ARHGEF6: variants seen among roughly 807,000 people sequenced by gnomAD.
ARHGEF6 encodes rho guanine nucleotide exchange factor 6.
ARHGEF6 carries 9 observed loss-of-function variants against 70.3 expected under a neutral mutation model. The ratio of observed to expected loss-of-function variants is 0.13; its 90% CI spans 0.08 to 0.22. The LOEUF (loss-of-function observed/expected upper bound fraction) is 0.22, where lower values mean the gene tolerates loss of function less well. ARHGEF6 is among the 10% of genes least tolerant of loss of function. The probability of loss-of-function intolerance (pLI) is 1.00; values close to 1 mark genes in which losing one functional copy is unlikely to be tolerated. For missense variants in ARHGEF6, 470 were observed against 563.0 expected (o/e 0.83, Z 1.67); for synonymous variants, 201 against 207.8 (o/e 0.97, Z 0.28).
intron 20 of ARHGEF6, among the ~76,000 whole-genome samples, 162 bp downstream of exon 20, chrX:136,671,858 A>AT (rs1483303234): frequency 8.9e-6 from 1 of 111,926 alleles, no homozygotes; most frequent in Non-Finnish European, 1.9e-5. Flanking sequence ...GTTAGTGGGC[A>AT]GCCCTCTAAA....
intron 2 of ARHGEF6, among the ~76,000 whole-genome samples, chrX:136,757,043 C>G (rs917956020): frequency 8.9e-6 from 1 of 112,519 alleles, no homozygotes; most frequent in Non-Finnish European, 1.9e-5. Flanking sequence ...AACCCAAGAT[C>G]AAGTCCACCC....
At chrX:136,749,748 T>C (rs1012079305) in intron 2 of ARHGEF6, among the ~76,000 whole-genome samples, 12 of 111,776 alleles carry the variant, frequency 1.1e-4, no homozygotes, top group Non-Finnish European at 3.8e-5. Context: ...CCATGGACAC[T>C]GTTCTTGCTG....
chrX:136,720,683 G>A lies in ARHGEF6; in HGVS notation c.733-7313C>T, dbSNP rs143215209. Among the ~76,000 whole-genome samples the A allele has an allele frequency of 6.3e-5, 7 of 110,853 alleles. No homozygotes were observed. In the Admixed American group the frequency reaches 6.7e-4, roughly 11 times the overall value. On this transcript the variant is annotated intron_variant, in intron 6 of 21. Coordinates refer to ENST00000250617, the MANE Select transcript of ARHGEF6 (RefSeq NM_004840.3). ...CTAATGCAATAAGAAAAAAATAAAAGGTATACACATTGGGAAGGAAGAAAT... is the reference window on the plus strand; with the variant it reads ...CTAATGCAATAAGAAAAAAATAAAAAGTATACACATTGGGAAGGAAGAAAT...
Position 136,743,654 on chromosome X carries a change from A to G in ARHGEF6, c.592T>C (p.Trp198Arg). The change falls in exon 5 of 22, where the codon TGG becomes CGG. Residue 198 changes from tryptophan to arginine, a missense_variant. Trp to Arg is a moderately radical substitution (Grantham distance 101). Transcript: ENST00000250617. ...YVTRVEEGGWWEGTLNGRTGW... is the reference protein window; with the variant it reads ...YVTRVEEGGWREGTLNGRTGW... ...GTTCTCCCATTTAATGTGCCTTCCC[A>G]CCAGCCTCCTTCTTCAACTCGTGTG... 8.3e-7 allele frequency: 1 copy of G among 1,211,929 alleles called. No homozygotes were observed. The highest frequency in any genetic ancestry group is 1.1e-6 in the Non-Finnish European group (1 of 895,500).
intron 6 of ARHGEF6, among the ~76,000 whole-genome samples, chrX:136,726,673 A>C (rs1040934013): frequency 8.9e-6 from 1 of 112,746 alleles, no homozygotes; most frequent in Non-Finnish European, 1.9e-5. Context: ...GGCAGGTTCT[A>C]TAAAACATGC....
At chrX:136,765,123 A>G (rs1291156338) in intron 2 of ARHGEF6, among the ~76,000 whole-genome samples, 1 of 111,931 alleles carries the variant, frequency 8.9e-6, no homozygotes, top group Non-Finnish European at 1.9e-5. Context: ...CCACCAGGGT[A>G]TAATGAGTAC....
intron 11 of ARHGEF6, among the ~76,000 whole-genome samples, chrX:136,687,172 A>G (rs1472086788): frequency 8.9e-6 from 1 of 112,001 alleles, no homozygotes; most frequent in Admixed American, 9.5e-5. Context: ...GGCATATAAC[A>G]ATGGCAATTT....
At chrX:136,755,255 T>C (rs2077194241) in intron 2 of ARHGEF6, among the ~76,000 whole-genome samples, 1 of 112,451 alleles carries the variant, frequency 8.9e-6, no homozygotes, top group African/African-American at 3.2e-5. Context: ...ACATCCTTTA[T>C]GCTTTTTCCT....
intron 9 of ARHGEF6, among the ~76,000 whole-genome samples, chrX:136,700,364 A>G (rs1310162637): frequency 9.0e-6 from 1 of 110,977 alleles, no homozygotes; most frequent in Non-Finnish European, 1.9e-5. Flanking sequence ...GTCTAAACTA[A>G]AAATACAAAA....
At chrX:136,668,914 G>A (rs1419681789) in intron 21 of ARHGEF6, among the ~76,000 whole-genome samples, 1 of 111,291 alleles carries the variant, frequency 9.0e-6, no homozygotes, top group African/African-American at 3.3e-5. Context: ...TTCAAACTCT[G>A]CAGTATGCCA....
rs758321280 is a variant in ARHGEF6 at position 136,732,129 on chromosome X, A to G, written c.705T>C (p.Ala235=). The change falls in exon 6 of 22, where the codon GCT becomes GCC. Residue 235 remains alanine (A), a synonymous_variant. Transcript: ENST00000250617. ...SPKAVKGFET[A]PLTKNYYTVV... is the part of the protein sequence containing the mutation. ...CAGTATAATAATTCTTGGTAAGTGG[A>G]GCAGTTTCAAATCCTTTGACGGCTT... is the stretch of plus-strand genomic sequence containing the variant. 8.3e-7 allele frequency: 1 copy of G among 1,208,763 alleles called. No individual in the cohort carries two copies. The highest frequency in any genetic ancestry group is 3.0e-5 in the East Asian group (1 of 33,843).
chrX:136,668,081 G>A lies in ARHGEF6; in HGVS notation c.2279C>T (p.Thr760Ile). The part of the protein sequence containing the change: ...EKLVRRLLKQ[T>I]DECIRGESSS... ...GGACTCGCCTCGAATACACTCATCTGTTTGCTTCAAAAGCCTCCGCACCAG... is the reference window on the plus strand; with the variant it reads ...GGACTCGCCTCGAATACACTCATCTATTTGCTTCAAAAGCCTCCGCACCAG... Residue 760 changes from threonine (T) to isoleucine (I), a missense_variant, in exon 22 of 22, where the codon ACA becomes ATA. Physicochemically the swap from Thr to Ile is moderately conservative, Grantham distance 89. Transcript: ENST00000250617. The A allele has an allele frequency of 8.3e-7, 1 of 1,211,860 alleles. No individual in the cohort carries two copies. Among genetic ancestry groups the A allele is most frequent in the Middle Eastern group, 2.3e-4 (1 of 4,350 alleles).
intron 5 of ARHGEF6, among the ~76,000 whole-genome samples, chrX:136,735,997 G>A (rs1224971143): frequency 1.8e-5 from 2 of 111,820 alleles, no homozygotes; most frequent in African/African-American, 6.5e-5. Context: ...TTTAGAAGAA[G>A]GATTTGATGC....
rs1415871203 is a variant in ARHGEF6, at chrX:136,713,384, A to G, written c.733-14T>C. 1 of 1,136,622 alleles carries G rather than the reference A, an allele frequency of 8.8e-7. No individual in the cohort carries two copies. 93.7% of individuals were successfully genotyped at this position (1,136,622 alleles called of 1,213,427 possible). On this transcript the variant is annotated splice_polypyrimidine_tract_variant and intron_variant, in intron 6 of 21. Coordinates refer to ENST00000250617, the MANE Select transcript of ARHGEF6 (RefSeq NM_004840.3). ...GTTCTGTAACACCTATGGAAAAAAA[A>G]GTCAATGTATTATAATCATCACGAT...
intron 5 of ARHGEF6, among the ~76,000 whole-genome samples, chrX:136,735,574 C>A (rs1020180270): frequency 9.0e-6 from 1 of 110,893 alleles, no homozygotes; most frequent in Non-Finnish European, 1.9e-5. Flanking sequence ...CCAACCAGTG[C>A]GGGGGGAAAT....
At chrX:136,767,382 G>A in intron 2 of ARHGEF6, 2 of 755,356 alleles carry the variant, frequency 2.6e-6, no homozygotes, top group South Asian at 1.3e-4. Context: ...GGGAGGGGCG[G>A]CTGCAACTTT....
chrX:136,727,986 A>G (rs1228758529), intron 6 of ARHGEF6, among the ~76,000 whole-genome samples: 1 of 111,860 alleles, frequency 8.9e-6, no homozygotes, highest in East Asian at 2.8e-4. Context: ...CAATGAGACC[A>G]TGGGTGCCAA....
chrX:136,680,849 T>A lies in ARHGEF6; in HGVS notation c.1586A>T (p.His529Leu), dbSNP rs1373347014. Residue 529 changes from histidine to leucine, a missense_variant, in exon 15 of 22, where the codon CAT becomes CTT. Coordinates refer to ENST00000250617, the MANE Select transcript of ARHGEF6 (RefSeq NM_004840.3). ...CTGGAAGTCCTGGTTGTTGTTACAA[T>A]GGACCACAATTCTCTCCACTGTGTT... is the stretch of plus-strand genomic sequence containing the variant. ...TGNTVERIVVHCNNNQDFQEW... is the reference protein window; with the variant it reads ...TGNTVERIVVLCNNNQDFQEW... 8.3e-7 allele frequency: 1 copy of A among 1,210,329 alleles called. No homozygotes were observed.
intron 11 of ARHGEF6, among the ~76,000 whole-genome samples, chrX:136,687,097 G>A (rs1237511870): frequency 9.0e-6 from 1 of 111,209 alleles, no homozygotes; most frequent in Non-Finnish European, 1.9e-5. Flanking sequence ...AATAAATGCT[G>A]TGGGTTTCAC....
Sources: gnomAD v4.1 joint callset for allele counts (sites outside exome capture counted in the v4.1 genomes callset) on GRCh38, gnomAD v4.1.1 for gene constraint, MANE v1.5 for transcripts, NCBI Gene and HGNC (gene_info 2026-07-23, HGNC 2026-07-21) for gene names.